The following PABPC4L variants were observed in gnomAD, a reference collection of about 807,000 sequenced individuals.
The protein encoded by PABPC4L is polyadenylate-binding protein 4-like.
For synonymous variants in PABPC4L, 169 were observed against 164.1 expected, an observed-to-expected ratio of 1.03 and a Z score of -0.23; for missense variants, 452 against 451.4, an observed-to-expected ratio of 1.00 and a Z score of -0.01.
chr4:134,097,213 A>T, the PABPC4L span, among the ~76,000 whole-genome samples: 4 of 151,960 alleles, frequency 2.6e-5, no homozygotes, highest in Non-Finnish European at 4.4e-5. Flanking sequence ...ATGTTTGAAG[A>T]CAATTTAAAA....
chr4:134,104,167 A>C, the PABPC4L span, among the ~76,000 whole-genome samples: 8 of 151,726 alleles, frequency 5.3e-5, no homozygotes, highest in Non-Finnish European at 8.8e-5. Flanking sequence ...TGGTCTCCTG[A>C]ATGTGAATTT....
chr4:134,185,181 G>A, the PABPC4L span, among the ~76,000 whole-genome samples: 2 of 151,706 alleles, frequency 1.3e-5, no homozygotes, highest in Non-Finnish European at 2.9e-5. Context: ...TACTTTGCAC[G>A]AATTGTGTCT....
the PABPC4L span, among the ~76,000 whole-genome samples, chr4:134,001,842 A>G: frequency 1.3e-5 from 2 of 152,114 alleles, no homozygotes; most frequent in East Asian, 1.9e-4. Flanking sequence ...TTCACACTCT[A>G]TGCTTAACAG....
the PABPC4L span, among the ~76,000 whole-genome samples, chr4:134,080,040 T>C: frequency 6.6e-6 from 1 of 152,136 alleles, no homozygotes; most frequent in Non-Finnish European, 1.5e-5. Context: ...TACTATGCTT[T>C]AAATATTGGA....
the PABPC4L span, among the ~76,000 whole-genome samples, chr4:134,170,022 T>A: frequency 6.6e-6 from 1 of 152,106 alleles, no homozygotes; most frequent in Non-Finnish European, 1.5e-5. Context: ...GTTTTTCTAT[T>A]TTCTTTCTCC....
At chr4:133,961,100 C>T in the PABPC4L span, among the ~76,000 whole-genome samples, 1 of 152,130 alleles carries the variant, frequency 6.6e-6, no homozygotes. Context: ...AGCAGGATAC[C>T]AACCAGACCA....
At chr4:133,976,632 G>A in the PABPC4L span, among the ~76,000 whole-genome samples, 1 of 152,036 alleles carries the variant, frequency 6.6e-6, no homozygotes. Flanking sequence ...GTTGTTTCTT[G>A]ACTTTTTAAT....
chr4:134,092,952 G>A, the PABPC4L span, among the ~76,000 whole-genome samples: 2 of 151,962 alleles, frequency 1.3e-5, no homozygotes, highest in Non-Finnish European at 2.9e-5. Context: ...AGAATTCTGT[G>A]AGGTTAATTT....
At chr4:133,952,021 C>T in the PABPC4L span, among the ~76,000 whole-genome samples, 1 of 152,098 alleles carries the variant, frequency 6.6e-6, no homozygotes, top group East Asian at 1.9e-4. Flanking sequence ...CTACAAATTG[C>T]AATTTGTTTT....
chr4:134,142,907 T>TG, the PABPC4L span, among the ~76,000 whole-genome samples: 3 of 151,726 alleles, frequency 2.0e-5, no homozygotes, highest in South Asian at 6.2e-4. Flanking sequence ...TCTTCCCAGT[T>TG]GGTTCTACTT....
the PABPC4L span, among the ~76,000 whole-genome samples, chr4:134,151,213 C>T: frequency 6.6e-6 from 1 of 152,084 alleles, no homozygotes; most frequent in Non-Finnish European, 1.5e-5. Context: ...TGTGATTACA[C>T]AGGCATTTAT....
the PABPC4L span, among the ~76,000 whole-genome samples, chr4:133,970,030 T>C: frequency 6.8e-6 from 1 of 147,608 alleles, no homozygotes; most frequent in African/African-American, 2.4e-5. Flanking sequence ...CAAAGAAATA[T>C]ATATATATTT....
At chr4:134,176,468 C>CCT in the PABPC4L span, among the ~76,000 whole-genome samples, 1 of 151,834 alleles carries the variant, frequency 6.6e-6, no homozygotes, top group East Asian at 1.9e-4. Flanking sequence ...TGAGACCCTG[C>CCT]CTCTTCAAAT....
rs1419435361 is a variant in PABPC4L, at chr4:134,200,573, A to G, written c.447T>C (p.Ala149=). 1.3e-6 allele frequency: 2 copies of G among 1,551,556 alleles called. No homozygotes were observed. The highest frequency in any genetic ancestry group is 1.7e-6 in the Non-Finnish European group (2 of 1,146,980). The part of the protein sequence containing the change: ...YAFVHFQNQS[A]ADRAIEEMNG... Reference sequence around the variant, plus strand: ...TCATCTCCTCAATGGCCCTGTCTGCAGCACTCTGGTTCTGAAAGTGCACAA... The same window carrying G: ...TCATCTCCTCAATGGCCCTGTCTGCGGCACTCTGGTTCTGAAAGTGCACAA... Residue 149 remains alanine (A), a synonymous_variant, in exon 2 of 2, where the codon GCT becomes GCC. Coordinates refer to ENST00000421491, the MANE Select transcript of PABPC4L (RefSeq NM_001114734.2).
the PABPC4L span, among the ~76,000 whole-genome samples, chr4:134,079,752 GATGAAATCT>G: frequency 6.6e-6 from 1 of 151,820 alleles, no homozygotes; most frequent in South Asian, 2.1e-4. Context: ...TAGAAATAGA[GATGAAATCT>G]CATCTTACTG....
At chr4:133,960,178 G>C in the PABPC4L span, among the ~76,000 whole-genome samples, 8 of 152,080 alleles carry the variant, frequency 5.3e-5, no homozygotes, top group African/African-American at 1.9e-4. Flanking sequence ...ATCCCAAAAG[G>C]ACCCACAGAC....
At chr4:134,008,636 C>T in the PABPC4L span, among the ~76,000 whole-genome samples, 3 of 151,738 alleles carry the variant, frequency 2.0e-5, no homozygotes, top group South Asian at 2.1e-4. Flanking sequence ...TACATAAATA[C>T]GGAGATATAG....
At chr4:134,108,526 A>G in the PABPC4L span, among the ~76,000 whole-genome samples, 7 of 152,052 alleles carry the variant, frequency 4.6e-5, no homozygotes, top group African/African-American at 1.7e-4. Context: ...GGACTGAAGA[A>G]TCCACAACTG....
chr4:134,187,409 T>C, the PABPC4L span, among the ~76,000 whole-genome samples: 30 of 151,898 alleles, frequency 2.0e-4, no homozygotes, highest in Admixed American at 2.0e-3. Context: ...TGGATGAAGC[T>C]GGAAACCATC....
Sources: allele counts gnomAD v4.1 joint callset (sites outside exome capture counted in the v4.1 genomes callset), GRCh38; gene constraint gnomAD v4.1.1; transcripts MANE v1.5; gene names NCBI Gene and HGNC (gene_info 2026-07-23, HGNC 2026-07-21).